The following TMEM98 variants were observed in gnomAD, a reference collection of about 807,000 sequenced individuals.
TMEM98 encodes transmembrane protein 98.
Under a neutral mutation model 25.0 loss-of-function variants are expected in TMEM98, and 18 were observed. That is an observed-to-expected ratio of 0.72 (90% CI 0.50 to 1.07). The LOEUF (loss-of-function observed/expected upper bound fraction) is 1.07, where lower values mean the gene tolerates loss of function less well. TMEM98 is among the 50% of genes least tolerant of loss of function. TMEM98 has a pLI of 0.00. For missense variants in TMEM98, 241 were observed against 289.0 expected, an observed-to-expected ratio of 0.83 and a Z score of 1.20; for synonymous variants, 103 against 112.4, an observed-to-expected ratio of 0.92 and a Z score of 0.53.
At chr17:32,932,453 A>G (rs901358246) in intron 3 of TMEM98, among the ~76,000 whole-genome samples, 1 of 152,184 alleles carries the variant, frequency 6.6e-6, no homozygotes, top group Admixed American at 6.5e-5. Context: ...TTTTGTAAGC[A>G]AGATTCTATT....
chr17:32,928,526 C>T (rs1167979371), intron 1 of TMEM98, among the ~76,000 whole-genome samples: 2 of 151,656 alleles, frequency 1.3e-5, no homozygotes, highest in African/African-American at 2.4e-5. Context: ...TGGGTCTGTT[C>T]TGTCCTTGTG....
intron 4 of TMEM98, among the ~76,000 whole-genome samples, 196 bp downstream of exon 4, chr17:32,933,501 G>T (rs1238594625): frequency 2.0e-5 from 3 of 152,146 alleles, no homozygotes; most frequent in African/African-American, 7.2e-5. Flanking sequence ...CCCACATTTT[G>T]TAGACCTGAA....
At chr17:32,939,709 A>T (rs2091518466) in intron 7 of TMEM98, among the ~76,000 whole-genome samples, 173 bp downstream of exon 7, 1 of 152,176 alleles carries the variant, frequency 6.6e-6, no homozygotes, top group Non-Finnish European at 1.5e-5. Flanking sequence ...TGACTGGGTG[A>T]TAGAGGCCAG....
chr17:32,931,423 T>C (rs2091468576), intron 2 of TMEM98, 21 bp downstream of exon 2: 21 of 1,474,576 alleles, frequency 1.4e-5, no homozygotes, highest in Non-Finnish European at 1.9e-5. Flanking sequence ...CCTGTCCCAC[T>C]CTCTTTCGTG....
intron 6 of TMEM98, among the ~76,000 whole-genome samples, chr17:32,936,781 A>T (rs2091499002): frequency 6.6e-6 from 1 of 151,970 alleles, no homozygotes. Context: ...TCCCCTTGAC[A>T]CGCCTTCCTC....
At chr17:32,931,446 G>T in intron 2 of TMEM98, 29 bp from the exon 3 acceptor site, 1 of 1,535,092 alleles carries the variant, frequency 6.5e-7, no homozygotes, top group South Asian at 1.3e-5. Context: ...TTCTTGACCA[G>T]ATCTGCTCTG....
At chr17:32,936,668 A>G (rs2091498274) in intron 6 of TMEM98, among the ~76,000 whole-genome samples, 1 of 152,140 alleles carries the variant, frequency 6.6e-6, no homozygotes. Flanking sequence ...GACCCATCTG[A>G]GAGGGCTTTG....
chr17:32,940,985 G>T lies in TMEM98; in HGVS notation c.673G>T (p.Ala225Ser). Reference protein sequence around the residue: ...GPEGFLQEQSAI With the variant: ...GPEGFLQEQSSI ...TGAAGGCTTCCTGCAGGAGCAGTCT[G>T]CAATTTAGTGCCTACAGGCCAGCAG... Residue 225 changes from alanine (A) to serine (S), a missense_variant, in exon 8 of 8, where the codon GCA becomes TCA. Ala to Ser is a moderately conservative substitution (Grantham distance 99). Coordinates refer to ENST00000579849, the MANE Select transcript of TMEM98 (RefSeq NM_015544.3). 2 of 1,605,530 alleles carry T rather than the reference G, an allele frequency of 1.2e-6. No individual in the cohort carries two copies. Among genetic ancestry groups the T allele is most frequent in the Non-Finnish European group, 1.7e-6 (2 of 1,176,136 alleles).
At chr17:32,936,268 G>C in intron 5 of TMEM98, 64 bp from the exon 6 acceptor site, 4 of 1,318,540 alleles carry the variant, frequency 3.0e-6, no homozygotes, top group African/African-American at 1.5e-5. Flanking sequence ...TTTGTCTCGT[G>C]GGGGTGGCGA....
intron 1 of TMEM98, among the ~76,000 whole-genome samples, chr17:32,929,482 G>A (rs2151109954): frequency 6.6e-6 from 1 of 152,238 alleles, no homozygotes; most frequent in East Asian, 1.9e-4. Flanking sequence ...AAGAGAAACA[G>A]AGATAAAGGC....
chr17:32,934,397 G>A (rs2091485079), intron 5 of TMEM98, 73 bp downstream of exon 5: 5 of 1,566,662 alleles, frequency 3.2e-6, no homozygotes, highest in Middle Eastern at 1.7e-4. Flanking sequence ...GGAGTAGAAC[G>A]GGACCTTAGA....
Position 32,932,583 on chromosome 17 carries a change from A to G in TMEM98, c.132-591A>G, listed in dbSNP as rs149943086. On this transcript the variant is annotated intron_variant, in intron 3 of 7. Transcript: ENST00000579849. ...AGTGGTTCATAATTTATAAATGCCC[A>G]TTTATATGACCCAGGAAAGCTCTTC... 1.9e-3 allele frequency among the ~76,000 whole-genome samples: 285 copies of G among 152,314 alleles called. 1 individual carries two copies. Among genetic ancestry groups the G allele is most frequent in the African/African-American group, 6.6e-3 (274 of 41,568 alleles).
chr17:32,940,184 G>T (rs574102635), intron 7 of TMEM98, among the ~76,000 whole-genome samples: 1 of 152,314 alleles, frequency 6.6e-6, no homozygotes, highest in South Asian at 2.1e-4. Flanking sequence ...TTGTCCGTGG[G>T]TTAATAATCT....
intron 3 of TMEM98, among the ~76,000 whole-genome samples, chr17:32,932,293 G>A (rs2091474211): frequency 6.6e-6 from 1 of 151,794 alleles, no homozygotes; most frequent in Non-Finnish European, 1.5e-5. Context: ...TAGAGACGGG[G>A]TTTCACCATG....
At chr17:32,928,893 CACTCAGAGGCACACAA>C (rs2091448532) in intron 1 of TMEM98, among the ~76,000 whole-genome samples, 1 of 146,842 alleles carries the variant, frequency 6.8e-6, no homozygotes, top group African/African-American at 2.7e-5. Context: ...GAAACACACG[CACTCAGAGGCACACAA>C]GATAAACACT....
At chr17:32,939,693 G>A (rs547431064) in intron 7 of TMEM98, among the ~76,000 whole-genome samples, 157 bp downstream of exon 7, 2 of 152,280 alleles carry the variant, frequency 1.3e-5, no homozygotes, top group South Asian at 2.1e-4. Flanking sequence ...TTCAGTGAGC[G>A]GCGCCTGACT....
chr17:32,931,679 G>A lies in TMEM98; in HGVS notation c.131+20G>A, dbSNP rs1425293206. The A allele has an allele frequency of 3.0e-5, 48 of 1,601,356 alleles. No homozygotes were observed. Among genetic ancestry groups the A allele is most frequent in the Non-Finnish European group, 3.9e-5 (46 of 1,174,966 alleles). ...TTCTAAGTGAGTGAGCCTATGGAGGGCAAGGAGGAGGGGTGGGCTCTAACT... is the reference window on the plus strand; with the variant it reads ...TTCTAAGTGAGTGAGCCTATGGAGGACAAGGAGGAGGGGTGGGCTCTAACT... On this transcript the variant is annotated intron_variant, in intron 3 of 7. Coordinates refer to ENST00000579849, the MANE Select transcript of TMEM98 (RefSeq NM_015544.3).
rs1284247689 is a variant in TMEM98, at chr17:32,941,916, G to A, written c.*923G>A. 1 of 152,106 alleles carries A rather than the reference G, an allele frequency of 6.6e-6. No homozygotes were observed. The highest frequency in any genetic ancestry group is 2.4e-5 in the African/African-American group (1 of 41,370). 9.4% of individuals were successfully genotyped at this position (152,106 alleles called of 1,614,324 possible). A position where few individuals can be genotyped will look rare whatever the true frequency, so the allele number is the denominator to read the frequency against. Reference sequence around the variant, plus strand: ...AAACTACAAAAATTAGCTGGGCATGGTGACACGTGCGGCTGCTTGGTAGGC... The same window carrying A: ...AAACTACAAAAATTAGCTGGGCATGATGACACGTGCGGCTGCTTGGTAGGC... On this transcript the variant is annotated 3_prime_UTR_variant, in exon 8 of 8. Transcript: ENST00000579849.
At chr17:32,936,611 G>A (rs1567698112) in intron 6 of TMEM98, 164 bp downstream of exon 6, 6 of 636,946 alleles carry the variant, frequency 9.4e-6, no homozygotes, top group Non-Finnish European at 1.6e-5. Context: ...TTTAGATACC[G>A]AGACTTCTCA....
Sources: allele counts gnomAD v4.1 joint callset (sites outside exome capture counted in the v4.1 genomes callset), GRCh38; gene constraint gnomAD v4.1.1; transcripts MANE v1.5; gene names NCBI Gene and HGNC (gene_info 2026-07-23, HGNC 2026-07-21).